Variants in SERPINE2 observed in about 807,000 individuals in gnomAD.
SERPINE2 encodes the protein serpin family E member 2, also known as glia-derived nexin.
SERPINE2 carries 14 observed loss-of-function variants against 36.3 expected under a neutral mutation model. The ratio of observed to expected loss-of-function variants is 0.39; its 90% CI spans 0.25 to 0.60. SERPINE2 has a LOEUF of 0.60. Among genes scored for constraint, SERPINE2 ranks in the 20% least tolerant of loss-of-function variants. The pLI, the probability that SERPINE2 is intolerant of heterozygous loss-of-function variation, is 0.57. For missense variants in SERPINE2, 418 were observed against 499.6 expected (o/e 0.84, Z 1.56); for synonymous variants, 192 against 191.8 (o/e 1.00, Z -0.01).
At chr2:224,009,479 G>C (rs1315589377) in intron 1 of SERPINE2, among the ~76,000 whole-genome samples, 1 of 152,176 alleles carries the variant, frequency 6.6e-6, no homozygotes, top group Non-Finnish European at 1.5e-5. Flanking sequence ...CAGAGTGCTT[G>C]AGGCCAGGAG....
At position 223,991,863 on chromosome 2, in the gene SERPINE2, C is replaced by T. The variant is rs781209525; in HGVS notation, c.625G>A (p.Ala209Thr). 2 of 1,613,096 alleles carry T rather than the reference C, an allele frequency of 1.2e-6. No homozygotes were observed. The highest frequency in any genetic ancestry group is 2.2e-5 in the East Asian group (1 of 44,898). Residue 209 changes from alanine to threonine, a missense_variant, in exon 4 of 9, where the codon GCA becomes ACA. Ala to Thr is a moderately conservative substitution (Grantham distance 58). Transcript: ENST00000409304. ...PENTKKRTFVAADGKSYQVPM... is the reference protein window; with the variant it reads ...PENTKKRTFVTADGKSYQVPM... ...ACTTGATAGGATTTCCCGTCGGCTGCCACGAAAGTGCGTTTCTTTGTGTTC... is the reference window on the plus strand; with the variant it reads ...ACTTGATAGGATTTCCCGTCGGCTGTCACGAAAGTGCGTTTCTTTGTGTTC...
At chr2:224,026,238 T>C (rs1041384351) in intron 1 of SERPINE2, among the ~76,000 whole-genome samples, 18 of 152,230 alleles carry the variant, frequency 1.2e-4, no homozygotes, top group African/African-American at 4.3e-4. Flanking sequence ...TCGGGCTTTA[T>C]ACAAGTGGAA....
intron 1 of SERPINE2, among the ~76,000 whole-genome samples, chr2:224,016,472 C>A (rs1394749792): frequency 1.3e-5 from 2 of 150,308 alleles, no homozygotes; most frequent in Non-Finnish European, 2.9e-5. Context: ...TGCTATTGCA[C>A]TCCAGCCTGG....
rs147370571 is a variant in SERPINE2, at chr2:223,991,873, G to A, written c.615C>T (p.Arg205=). The A allele has an allele frequency of 2.7e-4, 436 of 1,613,360 alleles. 2 individuals carry two copies. In the Middle Eastern group the frequency reaches 7.5e-3, roughly 28 times the overall value. ...ATTTCCCGTCGGCTGCCACGAAAGT[G>A]CGTTTCTTTGTGTTCTCGGGTTGGA... is the stretch of plus-strand genomic sequence containing the variant. The part of the protein sequence containing the change: ...SRFQPENTKK[R]TFVAADGKSY... Residue 205 remains arginine, a synonymous_variant, in exon 4 of 9, where the codon CGC becomes CGT. Coordinates refer to ENST00000409304, the MANE Select transcript of SERPINE2 (RefSeq NM_001136528.2).
chr2:223,978,113 C>G (rs1313027257), intron 7 of SERPINE2: 3 of 154,368 alleles, frequency 1.9e-5, no homozygotes, highest in Non-Finnish European at 4.3e-5. Context: ...CTCACTGCAA[C>G]CTTTGCCTCC....
At chr2:224,025,938 T>C (rs962350423) in intron 1 of SERPINE2, among the ~76,000 whole-genome samples, 2 of 152,236 alleles carry the variant, frequency 1.3e-5, no homozygotes, top group Non-Finnish European at 2.9e-5. Flanking sequence ...GGAAACCCAT[T>C]TCCTCTTCTT....
At chr2:224,006,588 C>CT in intron 1 of SERPINE2, among the ~76,000 whole-genome samples, 1 of 152,258 alleles carries the variant, frequency 6.6e-6, no homozygotes, top group East Asian at 1.9e-4. Context: ...CGCAAGTAGA[C>CT]TGGAAGCTCA....
rs192581843 is a variant in SERPINE2 at position 224,017,630 on chromosome 2, T to C, written c.-22-15708A>G. On this transcript the variant is annotated intron_variant, in intron 1 of 8. Coordinates refer to ENST00000409304, the MANE Select transcript of SERPINE2 (RefSeq NM_001136528.2). ...ACCCAAGTTCAAATGTCACCTCCAC[T>C]GCCAATTATCTGTATGACTTTTGAC... 2.8e-3 allele frequency among the ~76,000 whole-genome samples: 434 copies of C among 152,334 alleles called. 2 individuals are homozygous for C. Among genetic ancestry groups the C allele is most frequent in the Non-Finnish European group, 3.6e-3 (242 of 68,036 alleles).
At chr2:223,991,771 C>G in intron 4 of SERPINE2, 32 bp downstream of exon 4, 1 of 1,611,024 alleles carries the variant, frequency 6.2e-7, no homozygotes. Flanking sequence ...GCCAGCACAT[C>G]CTAGAACAGG....
intron 2 of SERPINE2, among the ~76,000 whole-genome samples, chr2:224,000,666 C>G (rs1465266977): frequency 6.6e-6 from 1 of 152,084 alleles, no homozygotes; most frequent in South Asian, 2.1e-4. Context: ...AGGTATCTGT[C>G]CTAATGCTTT....
At chr2:223,997,143 C>G (rs912465613) in intron 3 of SERPINE2, among the ~76,000 whole-genome samples, 1 of 152,164 alleles carries the variant, frequency 6.6e-6, no homozygotes, top group Non-Finnish European at 1.5e-5. Context: ...TCCTGTTGTT[C>G]CAGACCTACA....
At chr2:223,995,019 C>T (rs974994558) in intron 3 of SERPINE2, among the ~76,000 whole-genome samples, 32 of 152,062 alleles carry the variant, frequency 2.1e-4, no homozygotes, top group African/African-American at 7.5e-4. Flanking sequence ...TGGTATGGTA[C>T]AGAAATGAGT....
At position 223,984,830 on chromosome 2, in the gene SERPINE2, A is replaced by G; in HGVS notation, c.806T>C (p.Ile269Thr). The G allele has an allele frequency of 6.2e-7, 1 of 1,614,072 alleles. No homozygotes were observed. The highest frequency in any genetic ancestry group is 1.1e-5 in the South Asian group (1 of 91,080). Residue 269 changes from isoleucine to threonine, a missense_variant, in exon 5 of 9, where the codon ATC (isoleucine) becomes ACC (threonine). Ile to Thr is a moderately conservative substitution (Grantham distance 89). Transcript: ENST00000409304. ...TATGGTCTTGGTGCTGATGTGTGGG[A>G]TGATGGCAGACAGCGGAGTGGAGCT... ...TESSTPLSAI[I>T]PHISTKTIDS...
intron 3 of SERPINE2, among the ~76,000 whole-genome samples, chr2:223,996,415 G>A (rs920535151): frequency 1.3e-5 from 2 of 152,170 alleles, no homozygotes; most frequent in Non-Finnish European, 2.9e-5. Flanking sequence ...CGCCCAGACT[G>A]CATGGTCCAG....
At chr2:224,001,602 C>G in intron 2 of SERPINE2, 40 bp downstream of exon 2, 1 of 1,584,512 alleles carries the variant, frequency 6.3e-7, no homozygotes, top group Non-Finnish European at 8.6e-7. Context: ...ACAAGACTCT[C>G]AGGCAAAGGC....
At chr2:224,027,786 C>A (rs1431491637) in intron 1 of SERPINE2, among the ~76,000 whole-genome samples, 1 of 152,148 alleles carries the variant, frequency 6.6e-6, no homozygotes, top group African/African-American at 2.4e-5. Context: ...CAAAGATTGG[C>A]CTGTTTTGCA....
chr2:223,993,530 ATG>A (rs36049464), intron 3 of SERPINE2, among the ~76,000 whole-genome samples: 79,621 of 149,710 alleles, frequency 0.53, 22,226 homozygotes, highest in South Asian at 0.65. Context: ...GCTCAAATAT[ATG>A]TGTGTGTGTG....
chr2:224,021,844 C>T (rs542776274), intron 1 of SERPINE2, among the ~76,000 whole-genome samples: 10 of 152,182 alleles, frequency 6.6e-5, no homozygotes, highest in South Asian at 6.2e-4. Context: ...GCCAACATGG[C>T]GAAACCTAGT....
intron 1 of SERPINE2, among the ~76,000 whole-genome samples, chr2:224,016,751 T>TA (rs1398952490): frequency 6.6e-5 from 10 of 152,314 alleles, no homozygotes; most frequent in South Asian, 2.1e-4. Context: ...GGTGAATGGC[T>TA]AAACTGTGGT....
Sources: allele counts gnomAD v4.1 joint callset (sites outside exome capture counted in the v4.1 genomes callset), GRCh38; gene constraint gnomAD v4.1.1; transcripts MANE v1.5; gene names NCBI Gene and HGNC (gene_info 2026-07-23, HGNC 2026-07-21).